BEND2: variants seen among roughly 807,000 people sequenced by gnomAD.
BEND2 encodes the protein BEN domain-containing protein 2.
A neutral mutation model predicts 43.8 loss-of-function variants in BEND2; 19 were observed. That is an observed-to-expected ratio of 0.43 (90% CI 0.30 to 0.64). The LOEUF is 0.64. Among genes scored for constraint, BEND2 ranks in the 30% least tolerant of loss-of-function variants. The pLI is 0.11. For missense variants in BEND2, 544 were observed against 574.0 expected (o/e 0.95, Z 0.53); for synonymous variants, 226 against 210.1 (o/e 1.08, Z -0.66).
Position 18,164,944 on chromosome X carries a change from A to T in BEND2, c.*65T>A. ...TACAGCAGGCTGATTTTGGAATTAG[A>T]ACTTGAGAAACTTACAAAATAGTCT... On this transcript the variant is annotated 3_prime_UTR_variant, in exon 14 of 14. Coordinates refer to ENST00000380033, the MANE Select transcript of BEND2 (RefSeq NM_153346.5). 1.8e-6 allele frequency: 2 copies of T among 1,095,382 alleles called. No individual in the cohort carries two copies. The highest frequency in any genetic ancestry group is 2.4e-6 in the Non-Finnish European group (2 of 819,571). The allele number at this position is 1,095,382 out of a possible 1,213,427, so 90.3% of individuals were successfully genotyped here.
chrX:18,176,023 A>G lies in BEND2; in HGVS notation c.1701T>C (p.Ser567=), dbSNP rs1294267816. Reference sequence around the variant, plus strand: ...AACAGTAGATCATAGAATTGATACCAGAAATACAGTCCTGCCAGTCTTTTC... The same window carrying G: ...AACAGTAGATCATAGAATTGATACCGGAAATACAGTCCTGCCAGTCTTTTC... ...EHGKDWQDCI[S]GINSMIYCLC... Residue 567 remains serine (S), a synonymous_variant, in exon 11 of 14, where the codon TCT becomes TCC. Transcript: ENST00000380033. The G allele has an allele frequency of 1.7e-6, 2 of 1,200,552 alleles. No homozygotes were observed. The highest frequency in any genetic ancestry group is 3.0e-5 in the East Asian group (1 of 33,540).
chrX:18,200,168 A>C (rs1393384433), intron 6 of BEND2, among the ~76,000 whole-genome samples: 3 of 111,889 alleles, frequency 2.7e-5, no homozygotes, highest in Non-Finnish European at 5.6e-5. Context: ...TGGCTAAACA[A>C]ACTGTGGCAT....
chrX:18,177,920 T>C, intron 9 of BEND2, 151 bp from the exon 10 acceptor site: 1 of 564,214 alleles, frequency 1.8e-6, no homozygotes, highest in South Asian at 3.1e-5. Flanking sequence ...AATTTCTACT[T>C]GGGTGAATTT....
At position 18,163,194 on chromosome X, in the gene BEND2, G is replaced by C. The variant is rs187344824; in HGVS notation, c.*1815C>G. The C allele has an allele frequency of 8.9e-6, 1 of 111,741 alleles. No homozygotes were observed. Among genetic ancestry groups the C allele is most frequent in the Non-Finnish European group, 1.9e-5 (1 of 53,138 alleles). The allele number at this position is 111,741 out of a possible 1,213,427, so 9.2% of individuals were successfully genotyped here. ...CTCCCTCTTGAGCCCAGGAGTTCCAGATAAGCCTGGGCAATATAGCAAGAT... is the reference window on the plus strand; with the variant it reads ...CTCCCTCTTGAGCCCAGGAGTTCCACATAAGCCTGGGCAATATAGCAAGAT... On this transcript the variant is annotated 3_prime_UTR_variant, in exon 14 of 14. Transcript: ENST00000380033.
intron 3 of BEND2, 143 bp from the exon 4 acceptor site, chrX:18,212,823 C>A: frequency 9.9e-6 from 4 of 402,079 alleles, no homozygotes; most frequent in Non-Finnish European, 4.3e-6. Flanking sequence ...TCTTCCATGA[C>A]CAATTTAGAG....
In BEND2 at chrX:18,207,784, C is replaced by T. The variant is rs187743974; in HGVS notation, c.493-3869G>A. Among the ~76,000 whole-genome samples, 959 of 111,992 alleles carry T rather than the reference C, an allele frequency of 8.6e-3. 15 individuals are homozygous for T. The highest frequency in any genetic ancestry group is 0.03 in the African/African-American group (912 of 30,911). On this transcript the variant is annotated intron_variant, in intron 4 of 13. Transcript: ENST00000380033. ...CTGTAAGCCCAGCACTTTGGGAGGC[C>T]GAGGTGGGCAGATCACCTGAGGTCA...
intron 12 of BEND2, 96 bp downstream of exon 12, chrX:18,173,934 A>G: frequency 2.7e-6 from 2 of 728,222 alleles, no homozygotes; most frequent in Non-Finnish European, 4.0e-6. Context: ...ATAAAAGTAG[A>G]GAGAATAGTA....
intron 6 of BEND2, among the ~76,000 whole-genome samples, chrX:18,199,291 A>G (rs1925063959): frequency 8.9e-6 from 1 of 111,936 alleles, no homozygotes; most frequent in African/African-American, 3.2e-5. Context: ...ACAAAGTGAG[A>G]TTGCTGACTA....
In BEND2 at chrX:18,171,311, G is replaced by A; in HGVS notation, c.1982-107C>T. Reference sequence around the variant, plus strand: ...GATTTTTCTCAATTGTTAGGCTCAAGAATTTGAGAGGTTAAAAAATTTAAG... The same window carrying A: ...GATTTTTCTCAATTGTTAGGCTCAAAAATTTGAGAGGTTAAAAAATTTAAG... On this transcript the variant is annotated intron_variant, in intron 12 of 13. Coordinates refer to ENST00000380033, the MANE Select transcript of BEND2 (RefSeq NM_153346.5). The A allele has an allele frequency of 5.7e-6, 5 of 870,680 alleles. No individual in the cohort carries two copies. In the South Asian group the frequency reaches 1.3e-4, roughly 23 times the overall value. 71.8% of individuals were successfully genotyped at this position (870,680 alleles called of 1,213,427 possible).
intron 13 of BEND2, 112 bp from the exon 14 acceptor site, chrX:18,165,335 T>A: frequency 3.4e-6 from 2 of 587,370 alleles, no homozygotes; most frequent in Non-Finnish European, 5.5e-6. Flanking sequence ...ATTAACACTT[T>A]AATTAAACAC....
At position 18,180,397 on chromosome X, in the gene BEND2, C is replaced by CT. The variant is rs1239480915; in HGVS notation, c.1429+112dup. 3 of 1,074,024 alleles carry CT rather than the reference C, an allele frequency of 2.8e-6. No homozygotes were observed. In the African/African-American group the frequency reaches 5.6e-5, roughly 20 times the overall value. The allele number at this position is 1,074,024 out of a possible 1,213,427, so 88.5% of individuals were successfully genotyped here. A position where few individuals can be genotyped will look rare whatever the true frequency, so the allele number is the denominator to read the frequency against. On this transcript the variant is annotated intron_variant, in intron 9 of 13. Coordinates refer to ENST00000380033, the MANE Select transcript of BEND2 (RefSeq NM_153346.5). Reference sequence around the variant, plus strand: ...TGTTAGTCATGGTTCTGAATATCACCTAAAACCTATCCTCAAAATAGGAAA... The same window carrying CT: ...TGTTAGTCATGGTTCTGAATATCACCTTAAAACCTATCCTCAAAATAGGAAA...
chrX:18,195,525 C>T, intron 6 of BEND2, 83 bp from the exon 7 acceptor site: 1 of 962,660 alleles, frequency 1.0e-6, no homozygotes, highest in Non-Finnish European at 1.4e-6. Context: ...AAAGACATTT[C>T]TCGAACGAAA....
At chrX:18,212,078 ATG>A (rs1925520098) in intron 4 of BEND2, among the ~76,000 whole-genome samples, 1 of 100,795 alleles carries the variant, frequency 9.9e-6, no homozygotes, top group Admixed American at 1.1e-4. Context: ...GGTGATGAAA[ATG>A]TTTATTACTG....
At chrX:18,187,499 A>G (rs1454090148) in intron 8 of BEND2, among the ~76,000 whole-genome samples, 1 of 111,940 alleles carries the variant, frequency 8.9e-6, no homozygotes, top group Non-Finnish European at 1.9e-5. Context: ...TATAAAGCAA[A>G]TATTATTAGA....
intron 13 of BEND2, among the ~76,000 whole-genome samples, chrX:18,169,227 C>T (rs765806201): frequency 2.7e-5 from 3 of 111,187 alleles, no homozygotes; most frequent in Non-Finnish European, 5.7e-5. Context: ...ACATAGGTAG[C>T]AAAAGTATAA....
At chrX:18,180,290 T>C (rs373519665) in intron 9 of BEND2, among the ~76,000 whole-genome samples, 91 of 112,708 alleles carry the variant, frequency 8.1e-4, no homozygotes, top group African/African-American at 2.3e-3. Flanking sequence ...GCCAACACCA[T>C]GGAGTCATTA....
At position 18,190,766 on chromosome X, in the gene BEND2, T is replaced by TCTCTCTCTCACA. The variant is rs1439593746; in HGVS notation, c.1288+234_1288+235insTGTGAGAGAGAG. 1.8e-3 allele frequency among the ~76,000 whole-genome samples: 168 copies of TCTCTCTCTCACA among 93,015 alleles called. 1 individual carries two copies. The highest frequency in any genetic ancestry group is 6.0e-3 in the African/African-American group (152 of 25,484). The allele number at this position is 93,015 out of a possible 115,157, so 80.8% of individuals were successfully genotyped here. A position where few individuals can be genotyped will look rare whatever the true frequency, so the allele number is the denominator to read the frequency against. On this transcript the variant is annotated intron_variant, in intron 8 of 13. Coordinates refer to ENST00000380033, the MANE Select transcript of BEND2 (RefSeq NM_153346.5). Reference sequence around the variant, plus strand: ...CTCTCTCTCTCTCTCTCTCTCTCTCTCACACACACACACACACACACACAC... The same window carrying TCTCTCTCTCACA: ...CTCTCTCTCTCTCTCTCTCTCTCTCTCTCTCTCTCACACACACACACACACACACACACACAC...
At chrX:18,205,803 T>C (rs1925317123) in intron 4 of BEND2, among the ~76,000 whole-genome samples, 1 of 110,066 alleles carries the variant, frequency 9.1e-6, no homozygotes, top group South Asian at 3.9e-4. Flanking sequence ...TTTCAGGCCG[T>C]ACCCCAGACC....
At chrX:18,177,525 G>T (rs781589448) in intron 10 of BEND2, 44 bp downstream of exon 10, 9 of 1,125,677 alleles carry the variant, frequency 8.0e-6, no homozygotes, top group Middle Eastern at 2.4e-4. Context: ...ATGACCAAAT[G>T]ATGATTAAAA....
Sources: allele counts gnomAD v4.1 joint callset (sites outside exome capture counted in the v4.1 genomes callset), GRCh38; gene constraint gnomAD v4.1.1; transcripts MANE v1.5; gene names NCBI Gene and HGNC (gene_info 2026-07-23, HGNC 2026-07-21).